Variants in DOC2B observed in about 807,000 individuals in gnomAD.
DOC2B encodes the protein double C2-like domain-containing protein beta.
DOC2B carries 21 observed loss-of-function variants against 28.9 expected under a neutral mutation model. That is an observed-to-expected ratio of 0.73 (90% CI 0.52 to 1.05). The LOEUF is 1.05. Ranked by LOEUF, DOC2B falls within the 50% of genes least tolerant of loss-of-function variation. The pLI is 0.00. For synonymous variants in DOC2B, 194 were observed against 178.1 expected (o/e 1.09, Z -0.71); for missense variants, 384 against 421.1 (o/e 0.91, Z 0.77).
chr17:164,014 G>T, intron 3 of DOC2B, 116 bp downstream of exon 3: 1 of 756,030 alleles, frequency 1.3e-6, no homozygotes, highest in Non-Finnish European at 2.2e-6. Context: ...TGGCAGCTGT[G>T]GGCCTCCCTG....
chr17:153,657 C>T (rs535611773), intron 6 of DOC2B, among the ~76,000 whole-genome samples: 16 of 151,746 alleles, frequency 1.1e-4, no homozygotes, highest in East Asian at 5.8e-4. Context: ...GCTGAGATCA[C>T]GCCACTGCAC....
intron 2 of DOC2B, among the ~76,000 whole-genome samples, chr17:170,255 C>A (rs1476252545): frequency 6.6e-6 from 1 of 152,158 alleles, no homozygotes; most frequent in African/African-American, 2.4e-5. Context: ...GCTGGACATG[C>A]CCTGAGTCAT....
chr17:172,188 A>G (rs912981752), intron 2 of DOC2B, among the ~76,000 whole-genome samples: 4 of 152,014 alleles, frequency 2.6e-5, no homozygotes, highest in African/African-American at 9.7e-5. Flanking sequence ...TGGAGGCACC[A>G]GTACCCAACC....
intron 5 of DOC2B, 88 bp downstream of exon 5, chr17:161,327 A>G (rs1313358623): frequency 2.2e-6 from 3 of 1,368,142 alleles, no homozygotes; most frequent in African/African-American, 1.4e-5. Flanking sequence ...TCTGCCCCTC[A>G]TGAGTCCCAT....
In DOC2B at chr17:164,222, A is replaced by C. The variant is rs1232772971; in HGVS notation, c.454-18T>G. ...TTCAGGCCCTGGGCAGAGAAGAGCA[A>C]ACGGTGTGAACTGGAAATCGGGGAC... On this transcript the variant is annotated intron_variant, in intron 2 of 8. Transcript: ENST00000613549. The C allele has an allele frequency of 6.5e-7, 1 of 1,529,126 alleles. No homozygotes were observed. Among genetic ancestry groups the C allele is most frequent in the African/African-American group, 1.4e-5 (1 of 72,634 alleles). The allele number at this position is 1,529,126 out of a possible 1,614,324, so 94.7% of individuals were successfully genotyped here.
intron 5 of DOC2B, 101 bp from the exon 6 acceptor site, chr17:156,478 CGGGCCTG>C: frequency 7.3e-7 from 1 of 1,364,712 alleles, no homozygotes; most frequent in Non-Finnish European, 1.0e-6. Context: ...CTGCTGCAGC[CGGGCCTG>C]GTCACGGTCC....
chr17:149,317 A>G (rs1216205594), intron 6 of DOC2B, 125 bp from the exon 7 acceptor site: 1 of 397,318 alleles, frequency 2.5e-6, no homozygotes, highest in Non-Finnish European at 4.4e-6. Context: ...TTTTGTCCTA[A>G]TCATTGGATT....
intron 5 of DOC2B, among the ~76,000 whole-genome samples, chr17:159,012 C>T (rs1174872257): frequency 6.7e-6 from 1 of 149,506 alleles, no homozygotes; most frequent in African/African-American, 2.5e-5. Flanking sequence ...CCACTGCACT[C>T]CAGCCTGGGC....
chr17:153,008 G>C (rs112513622), intron 6 of DOC2B, among the ~76,000 whole-genome samples: 6,221 of 152,220 alleles, frequency 0.041, 168 homozygotes, highest in Non-Finnish European at 0.063. Flanking sequence ...GGTCCATGAA[G>C]GGGCCTTTCA....
At chr17:149,980 C>G (rs1010284639) in intron 6 of DOC2B, among the ~76,000 whole-genome samples, 20 of 152,292 alleles carry the variant, frequency 1.3e-4, no homozygotes, top group Admixed American at 1.1e-3. Flanking sequence ...TGCAGTCACA[C>G]GGAGGCCACC....
Position 147,128 on chromosome 17 carries a change from G to A in DOC2B, c.*313C>T. On this transcript the variant is annotated 3_prime_UTR_variant, in exon 9 of 9. Coordinates refer to ENST00000613549, the MANE Select transcript of DOC2B (RefSeq NM_003585.5). ...ACTCCTGTCCTCTCAGCCGGGGCTG[G>A]CCTCTAGAAGGGTCTTTGCTCCCAG... is the stretch of plus-strand genomic sequence containing the variant. The A allele has an allele frequency of 3.6e-6, 1 of 276,406 alleles. No homozygotes were observed. Among genetic ancestry groups the A allele is most frequent in the East Asian group, 6.1e-5 (1 of 16,348 alleles). 17.1% of individuals were successfully genotyped at this position (276,406 alleles called of 1,614,324 possible).
At chr17:164,416 A>G (rs1040504243) in intron 2 of DOC2B, among the ~76,000 whole-genome samples, 16 of 152,144 alleles carry the variant, frequency 1.1e-4, no homozygotes. Context: ...GGCCCAGGGC[A>G]GCTGTCATGG....
chr17:170,443 G>A, intron 2 of DOC2B, among the ~76,000 whole-genome samples: 1 of 152,276 alleles, frequency 6.6e-6, no homozygotes, highest in Non-Finnish European at 1.5e-5. Flanking sequence ...GTCCTGCTGG[G>A]TGAGCATGCT....
rs191439637 is a variant in DOC2B, at chr17:153,040, C to T, written c.923+3180G>A. Among the ~76,000 whole-genome samples, 261 of 152,268 alleles carry T rather than the reference C, an allele frequency of 1.7e-3. 1 individual carries two copies. The highest frequency in any genetic ancestry group is 6.0e-3 in the African/African-American group (250 of 41,562). Reference sequence around the variant, plus strand: ...TTCAGAGACGGGGACCCCTGAGGAGCCCCGAGCAGCAGCCGTCGTGTCTCA... The same window carrying T: ...TTCAGAGACGGGGACCCCTGAGGAGTCCCGAGCAGCAGCCGTCGTGTCTCA... On this transcript the variant is annotated intron_variant, in intron 6 of 8. Transcript: ENST00000613549.
intron 1 of DOC2B, among the ~76,000 whole-genome samples, chr17:176,693 C>T (rs972754687): frequency 6.6e-5 from 10 of 152,178 alleles, no homozygotes; most frequent in East Asian, 1.9e-4. Context: ...TTGTGCTGGG[C>T]GTGAGGAGGG....
intron 2 of DOC2B, among the ~76,000 whole-genome samples, chr17:166,558 C>T (rs1307209690): frequency 6.6e-6 from 1 of 152,228 alleles, no homozygotes; most frequent in African/African-American, 2.4e-5. Flanking sequence ...TGGGAAGGAC[C>T]CAGCGGGAGA....
chr17:163,927 G>T (rs749271700), intron 3 of DOC2B, among the ~76,000 whole-genome samples: 5 of 152,216 alleles, frequency 3.3e-5, no homozygotes, highest in Non-Finnish European at 7.3e-5. Context: ...GAGGCAACAG[G>T]GTGTGGGGCA....
chr17:146,238 C>G lies in DOC2B; in HGVS notation c.*1203G>C, dbSNP rs2040017772. On this transcript the variant is annotated 3_prime_UTR_variant, in exon 9 of 9. Transcript: ENST00000613549. Reference sequence around the variant, plus strand: ...GGTAGTGGGACCAAGATGCCACGAGCAAGCACCCGGAGGCCCCCAGTGTGA... The same window carrying G: ...GGTAGTGGGACCAAGATGCCACGAGGAAGCACCCGGAGGCCCCCAGTGTGA... 6.6e-6 allele frequency: 1 copy of G among 152,370 alleles called. No homozygotes were observed. Among genetic ancestry groups the G allele is most frequent in the South Asian group, 2.1e-4 (1 of 4,826 alleles). The allele number at this position is 152,370 out of a possible 1,614,324, so 9.4% of individuals were successfully genotyped here. A position where few individuals can be genotyped will look rare whatever the true frequency, so the allele number is the denominator to read the frequency against.
At chr17:164,233 C>T in intron 2 of DOC2B, 29 bp from the exon 3 acceptor site, 1 of 1,512,962 alleles carries the variant, frequency 6.6e-7, no homozygotes, top group Non-Finnish European at 9.0e-7. Context: ...ACGGTGTGAA[C>T]TGGAAATCGG....
Sources: allele counts gnomAD v4.1 joint callset (sites outside exome capture counted in the v4.1 genomes callset), GRCh38; gene constraint gnomAD v4.1.1; transcripts MANE v1.5; gene names NCBI Gene and HGNC (gene_info 2026-07-23, HGNC 2026-07-21).